The following MRTFA variants were observed in gnomAD, a reference collection of about 807,000 sequenced individuals.
The protein encoded by MRTFA is myocardin related transcription factor A, also known as myocardin-related transcription factor A.
A neutral mutation model predicts 83.5 loss-of-function variants in MRTFA; 20 were observed. That is an observed-to-expected ratio of 0.24 (90% CI 0.17 to 0.35). The LOEUF is 0.35. MRTFA is among the 10% of genes least tolerant of loss of function. MRTFA has a pLI of 1.00. For synonymous variants in MRTFA, 659 were observed against 541.2 expected (o/e 1.22, Z -3.02); for missense variants, 1,200 against 1,224.7 (o/e 0.98, Z 0.30).
At chr22:40,458,447 G>A (rs1307141498) in intron 4 of MRTFA, among the ~76,000 whole-genome samples, 1 of 152,084 alleles carries the variant, frequency 6.6e-6, no homozygotes, top group African/African-American at 2.4e-5. Flanking sequence ...TTTATGGAAA[G>A]GTCAGACCCC....
At chr22:40,529,527 G>A (rs950798096) in intron 3 of MRTFA, among the ~76,000 whole-genome samples, 6 of 152,068 alleles carry the variant, frequency 3.9e-5, no homozygotes, top group Non-Finnish European at 7.4e-5. Context: ...ATGTTGGCAA[G>A]GCTGGTCTCG....
intron 4 of MRTFA, among the ~76,000 whole-genome samples, chr22:40,455,723 C>T (rs1055119253): frequency 2.0e-5 from 3 of 149,456 alleles, no homozygotes; most frequent in Non-Finnish European, 3.0e-5. Flanking sequence ...GACAGGGTGT[C>T]GGGGTGGCAG....
chr22:40,629,456 TAA>T (rs80168340), intron 1 of MRTFA, among the ~76,000 whole-genome samples: 2 of 109,954 alleles, frequency 1.8e-5, no homozygotes, highest in Non-Finnish European at 1.9e-5. Context: ...AAAACATAAT[TAA>T]AAAAAAAAAA....
intron 3 of MRTFA, among the ~76,000 whole-genome samples, chr22:40,494,608 G>A (rs567475533): frequency 6.6e-6 from 1 of 152,112 alleles, no homozygotes; most frequent in East Asian, 1.9e-4. Context: ...TCGAGCCCAG[G>A]GGGCGAAGGC....
intron 2 of MRTFA, among the ~76,000 whole-genome samples, chr22:40,581,889 G>T (rs185062337): frequency 2.4e-3 from 369 of 152,126 alleles, no homozygotes; most frequent in Non-Finnish European, 4.6e-3. Context: ...AGATAATTTG[G>T]TCTTACTTGT....
chr22:40,420,444 G>T lies in MRTFA; in HGVS notation c.1314C>A (p.Gly438=), dbSNP rs745907750. 3 of 1,613,706 alleles carry T rather than the reference G, an allele frequency of 1.9e-6. No individual in the cohort carries two copies. The highest frequency in any genetic ancestry group is 3.3e-5 in the Admixed American group (2 of 60,028). The change falls in exon 11 of 15, where the codon GGC becomes GGA. Residue 438 remains glycine, a synonymous_variant. Coordinates refer to ENST00000355630, the MANE Select transcript of MRTFA (RefSeq NM_020831.6). ...GGTTGGCCGGCAGGGCTCCCGGCTT[G>T]CCAGTCAGTGAGGTGCTGTTCTGAC...
intron 3 of MRTFA, among the ~76,000 whole-genome samples, chr22:40,546,979 C>A (rs527302620): frequency 5.3e-5 from 8 of 152,114 alleles, no homozygotes; most frequent in East Asian, 1.9e-4. Context: ...CACGGTGAAA[C>A]CCTGTTTTTA....
At chr22:40,612,486 C>T (rs975599011) in intron 1 of MRTFA, among the ~76,000 whole-genome samples, 1 of 152,188 alleles carries the variant, frequency 6.6e-6, no homozygotes, top group Admixed American at 6.5e-5. Flanking sequence ...ATTTGGCACG[C>T]AAACGTTTTT....
intron 4 of MRTFA, among the ~76,000 whole-genome samples, chr22:40,445,621 T>G (rs2053362293): frequency 6.6e-6 from 1 of 152,190 alleles, no homozygotes; most frequent in Non-Finnish European, 1.5e-5. Flanking sequence ...CAATCTCGGC[T>G]CACTGCAACC....
chr22:40,424,146 CT>C, intron 8 of MRTFA, 59 bp downstream of exon 8: 1 of 1,489,290 alleles, frequency 6.7e-7, no homozygotes. Context: ...GGAGAGAGAC[CT>C]TACTCTGCGC....
chr22:40,626,506 T>A (rs1026801917), intron 1 of MRTFA, among the ~76,000 whole-genome samples: 1 of 152,144 alleles, frequency 6.6e-6, no homozygotes, highest in Non-Finnish European at 1.5e-5. Flanking sequence ...TTATCTAGGC[T>A]GGTCTTGAAC....
At chr22:40,503,501 G>A (rs551823937) in intron 3 of MRTFA, among the ~76,000 whole-genome samples, 20 of 152,238 alleles carry the variant, frequency 1.3e-4, no homozygotes, top group South Asian at 4.2e-4. Flanking sequence ...GTGAGCCACC[G>A]TGCCCAGCCT....
chr22:40,502,052 C>T (rs1313072399), intron 3 of MRTFA, among the ~76,000 whole-genome samples: 13 of 136,858 alleles, frequency 9.5e-5, no homozygotes, highest in South Asian at 9.5e-4. Context: ...ACCTCCCTCC[C>T]GGACGGGGTG....
intron 3 of MRTFA, chr22:40,522,051 A>C (rs2147260525): frequency 6.6e-6 from 1 of 152,160 alleles, no homozygotes; most frequent in East Asian, 1.9e-4. Flanking sequence ...GGGTTTCACC[A>C]TGTTGGTTGG....
At chr22:40,421,466 C>T (rs1354791184) in intron 9 of MRTFA, among the ~76,000 whole-genome samples, 1 of 152,186 alleles carries the variant, frequency 6.6e-6, no homozygotes, top group Non-Finnish European at 1.5e-5. Context: ...GCCACACAAG[C>T]CTCTCCAGAA....
chr22:40,500,041 T>C (rs1014105679), intron 3 of MRTFA, among the ~76,000 whole-genome samples: 1 of 147,056 alleles, frequency 6.8e-6, no homozygotes, highest in Non-Finnish European at 1.5e-5. Context: ...GCAATTCTCC[T>C]GCCTCAGCCT....
At chr22:40,465,501 ACT>A (rs1197138462) in intron 3 of MRTFA, among the ~76,000 whole-genome samples, 1 of 152,190 alleles carries the variant, frequency 6.6e-6, no homozygotes, top group East Asian at 1.9e-4. Flanking sequence ...TGTGCCAGAC[ACT>A]GTTTTACATT....
intron 2 of MRTFA, among the ~76,000 whole-genome samples, chr22:40,570,276 G>A (rs2055769604): frequency 6.6e-6 from 1 of 152,004 alleles, no homozygotes; most frequent in Non-Finnish European, 1.5e-5. Context: ...TCTAGGAAAT[G>A]TCCTTTTAAG....
intron 3 of MRTFA, among the ~76,000 whole-genome samples, chr22:40,508,829 G>A (rs937352410): frequency 6.7e-6 from 1 of 149,092 alleles, no homozygotes; most frequent in Non-Finnish European, 1.5e-5. Context: ...GGGCAACATA[G>A]CGAGACTCTG....
Sources: gnomAD v4.1 joint callset for allele counts (sites outside exome capture counted in the v4.1 genomes callset) on GRCh38, gnomAD v4.1.1 for gene constraint, MANE v1.5 for transcripts, NCBI Gene and HGNC (gene_info 2026-07-23, HGNC 2026-07-21) for gene names.